The following EFHC2 variants were observed in gnomAD, a reference collection of about 807,000 sequenced individuals.
The protein encoded by EFHC2 is EF-hand domain containing 2.
Under a neutral mutation model 52.7 loss-of-function variants are expected in EFHC2, and 18 were observed. The observed-to-expected ratio is 0.34, with a 90% CI of 0.24 to 0.51. The LOEUF (loss-of-function observed/expected upper bound fraction) is 0.51. Among genes scored for constraint, EFHC2 ranks in the 20% least tolerant of loss-of-function variants. EFHC2 has a pLI of 0.97. For missense variants in EFHC2, 513 were observed against 562.5 expected, an observed-to-expected ratio of 0.91 and a Z score of 0.89; for synonymous variants, 203 against 204.1, an observed-to-expected ratio of 0.99 and a Z score of 0.04.
At chrX:44,292,315 G>A (rs914425552) in intron 2 of EFHC2, among the ~76,000 whole-genome samples, 5 of 111,033 alleles carry the variant, frequency 4.5e-5, no homozygotes, top group African/African-American at 6.5e-5. Flanking sequence ...CAGATTTTGG[G>A]ATATTTGCAT....
chrX:44,288,954 CAA>C (rs1308340896), intron 2 of EFHC2, among the ~76,000 whole-genome samples: 1 of 111,642 alleles, frequency 9.0e-6, no homozygotes, highest in Non-Finnish European at 1.9e-5. Context: ...AAACGTATTA[CAA>C]AAATATGGAA....
intron 2 of EFHC2, among the ~76,000 whole-genome samples, chrX:44,283,474 G>A (rs1234786428): frequency 1.8e-5 from 2 of 110,690 alleles, no homozygotes; most frequent in Non-Finnish European, 3.8e-5. Flanking sequence ...AAGCCACGGC[G>A]CACGGCCGAT....
intron 3 of EFHC2, among the ~76,000 whole-genome samples, chrX:44,263,336 A>C (rs2037555155): frequency 8.9e-6 from 1 of 112,326 alleles, no homozygotes; most frequent in Non-Finnish European, 1.9e-5. Flanking sequence ...GTCATTGCTT[A>C]TTCATTAAGG....
At chrX:44,250,839 A>G (rs1373526904) in intron 4 of EFHC2, among the ~76,000 whole-genome samples, 4 of 108,770 alleles carry the variant, frequency 3.7e-5, no homozygotes, top group Non-Finnish European at 5.7e-5. Flanking sequence ...AAAAAAAAAA[A>G]AAAGAAAAGA....
chrX:44,211,614 C>A (rs946689419), intron 11 of EFHC2, among the ~76,000 whole-genome samples: 1 of 110,614 alleles, frequency 9.0e-6, no homozygotes, highest in Non-Finnish European at 1.9e-5. Context: ...GTAATCCCAG[C>A]ACTTTGGGAG....
chrX:44,216,421 G>A lies in EFHC2; in HGVS notation c.1751+13228C>T, dbSNP rs6610903. On this transcript the variant is annotated intron_variant, in intron 11 of 14. Transcript: ENST00000420999. ...TTCTTCATAGCATAGTAGCCTCAAG[G>A]TGGCAGGACCTCTTACACACACAGT... 4.2e-3 allele frequency among the ~76,000 whole-genome samples: 475 copies of A among 111,869 alleles called. 14 individuals carry two copies. In the East Asian group the frequency reaches 0.1, roughly 24 times the overall value.
intron 2 of EFHC2, among the ~76,000 whole-genome samples, chrX:44,297,077 A>G (rs2037831120): frequency 8.9e-6 from 1 of 112,112 alleles, no homozygotes; most frequent in Non-Finnish European, 1.9e-5. Flanking sequence ...TGACCTGGGC[A>G]TTTGACATGC....
At chrX:44,164,140 T>C in intron 13 of EFHC2, 113 bp from the exon 14 acceptor site, 1 of 409,561 alleles carries the variant, frequency 2.4e-6, no homozygotes, top group Non-Finnish European at 4.0e-6. Flanking sequence ...CAATATCTGA[T>C]AGTTTTCTTA....
chrX:44,307,050 G>A (rs2037910811), intron 2 of EFHC2, among the ~76,000 whole-genome samples: 2 of 110,862 alleles, frequency 1.8e-5, no homozygotes, highest in African/African-American at 6.6e-5. Flanking sequence ...GGGGAAAGGG[G>A]CCAGTGTAAC....
intron 11 of EFHC2, among the ~76,000 whole-genome samples, chrX:44,209,523 A>G (rs1383995845): frequency 9.0e-6 from 1 of 111,548 alleles, no homozygotes; most frequent in Admixed American, 9.5e-5. Context: ...TTATTTCTAT[A>G]TATTAGCAAT....
intron 2 of EFHC2, among the ~76,000 whole-genome samples, chrX:44,300,971 G>A (rs149963459): frequency 0.14 from 14,784 of 108,574 alleles, 777 homozygotes; most frequent in Admixed American, 0.2. Flanking sequence ...TTAGCCGGGC[G>A]TGGTGGCACA....
At chrX:44,274,722 T>C (rs2147353882) in intron 2 of EFHC2, among the ~76,000 whole-genome samples, 1 of 110,270 alleles carries the variant, frequency 9.1e-6, no homozygotes, top group East Asian at 2.8e-4. Flanking sequence ...GACCCCGTTT[T>C]TACAAAAAAA....
chrX:44,227,926 C>T (rs141588353), intron 11 of EFHC2, among the ~76,000 whole-genome samples: 4 of 111,229 alleles, frequency 3.6e-5, no homozygotes, highest in Non-Finnish European at 7.5e-5. Context: ...CAGGAAAGAG[C>T]TTGATGTGTT....
At chrX:44,257,054 A>T in intron 4 of EFHC2, among the ~76,000 whole-genome samples, 1 of 111,740 alleles carries the variant, frequency 8.9e-6, no homozygotes, top group Non-Finnish European at 1.9e-5. Context: ...AAACCACATG[A>T]TTATCTCAAT....
chrX:44,321,001 C>A (rs2038015522), intron 1 of EFHC2, among the ~76,000 whole-genome samples: 1 of 111,587 alleles, frequency 9.0e-6, no homozygotes, highest in Non-Finnish European at 1.9e-5. Context: ...AAGGATCGCT[C>A]TGGCCACAAT....
At position 44,210,945 on chromosome X, in the gene EFHC2, C is replaced by A. The variant is rs769592619; in HGVS notation, c.1751+18704G>T. On this transcript the variant is annotated intron_variant, in intron 11 of 14. Transcript: ENST00000420999. ...TATCTGATAAAGGTCTGGTATCCAG[C>A]ACATACTTTTAAAACTCTCAAAATT... Among the ~76,000 whole-genome samples, 4 of 111,937 alleles carry A rather than the reference C, an allele frequency of 3.6e-5. No homozygotes were observed. The South Asian group carries it at 1.5e-3, about 42-fold the overall frequency.
In EFHC2 at chrX:44,312,890, T is replaced by C. The variant is rs1012725307; in HGVS notation, c.43-134A>G. 3.9e-4 allele frequency: 218 copies of C among 555,296 alleles called. 4 individuals carry two copies. Among genetic ancestry groups the C allele is most frequent in the Middle Eastern group, 1.8e-3 (4 of 2,182 alleles). The allele number at this position is 555,296 out of a possible 1,213,427, so 45.8% of individuals were successfully genotyped here. Reference sequence around the variant, plus strand: ...AAATGCAAATAAAGTGGCAAATAATTATGATCAATCTTTATCCATAAAGTT... The same window carrying C: ...AAATGCAAATAAAGTGGCAAATAATCATGATCAATCTTTATCCATAAAGTT... On this transcript the variant is annotated intron_variant, in intron 1 of 14. Transcript: ENST00000420999.
chrX:44,277,924 C>T (rs2037672578), intron 2 of EFHC2, among the ~76,000 whole-genome samples: 1 of 109,914 alleles, frequency 9.1e-6, no homozygotes, highest in Admixed American at 9.6e-5. Flanking sequence ...AATATAAGGC[C>T]ATACAAACCT....
rs1157515095 is a variant in EFHC2 at position 44,318,968 on chromosome X, T to G, written c.43-6212A>C. Among the ~76,000 whole-genome samples the G allele has an allele frequency of 9.5e-5, 10 of 105,269 alleles. No homozygotes were observed. The Admixed American group carries it at 1.0e-3, about 11-fold the overall frequency. The allele number at this position is 105,269 out of a possible 115,157, so 91.4% of individuals were successfully genotyped here. A position where few individuals can be genotyped will look rare whatever the true frequency, so the allele number is the denominator to read the frequency against. On this transcript the variant is annotated intron_variant, in intron 1 of 14. Coordinates refer to ENST00000420999, the MANE Select transcript of EFHC2 (RefSeq NM_025184.4). ...ACAGATCCACTAACAGTGGGCAGGG[T>G]GGGTTGGAAGGGGGAAGGTCTGAAG...
Sources: gnomAD v4.1 joint callset for allele counts (sites outside exome capture counted in the v4.1 genomes callset) on GRCh38, gnomAD v4.1.1 for gene constraint, MANE v1.5 for transcripts, NCBI Gene and HGNC (gene_info 2026-07-23, HGNC 2026-07-21) for gene names.